The following SLIT3 variants were observed in gnomAD, a reference collection of about 807,000 sequenced individuals.
SLIT3 encodes the protein slit guidance ligand 3, also known as slit homolog 3 protein.
A neutral mutation model predicts 184.0 loss-of-function variants in SLIT3; 68 were observed. That is an observed-to-expected ratio of 0.37 (90% CI 0.30 to 0.45). The LOEUF is 0.45. Among genes scored for constraint, SLIT3 ranks in the 20% least tolerant of loss-of-function variants. SLIT3 has a pLI of 1.00. For synonymous variants in SLIT3, 831 were observed against 828.6 expected, an observed-to-expected ratio of 1.00 and a Z score of -0.05; for missense variants, 1,707 against 2,026.0, an observed-to-expected ratio of 0.84 and a Z score of 3.02.
intron 4 of SLIT3, among the ~76,000 whole-genome samples, chr5:168,994,867 C>A (rs771692522): frequency 7.2e-5 from 11 of 151,810 alleles, no homozygotes; most frequent in Non-Finnish European, 1.3e-4. Context: ...GTCTTGAACT[C>A]CTGACTTTAA....
At chr5:168,849,009 C>T (rs1561966475) in intron 5 of SLIT3, among the ~76,000 whole-genome samples, 1 of 151,928 alleles carries the variant, frequency 6.6e-6, no homozygotes, top group African/African-American at 2.4e-5. Context: ...CTAACTATCT[C>T]CCAACAGTAA....
intron 3 of SLIT3, among the ~76,000 whole-genome samples, chr5:169,211,497 C>T (rs190207964): frequency 6.6e-6 from 1 of 152,150 alleles, no homozygotes; most frequent in African/African-American, 2.4e-5. Context: ...CGTTACCCCT[C>T]AAAATTCACC....
chr5:168,805,416 G>T lies in SLIT3; in HGVS notation c.935+1030C>A, dbSNP rs1756921191. 5.3e-5 allele frequency among the ~76,000 whole-genome samples: 8 copies of T among 152,230 alleles called. No individual in the cohort carries two copies. The South Asian group carries it at 1.7e-3, about 32-fold the overall frequency. On this transcript the variant is annotated intron_variant, in intron 9 of 35. Coordinates refer to ENST00000519560, the MANE Select transcript of SLIT3 (RefSeq NM_003062.4). Reference sequence around the variant, plus strand: ...GGAATATGTATCTTTTATTTGGAGGGATTTTACCTAATGATGTTCTCAGTA... The same window carrying T: ...GGAATATGTATCTTTTATTTGGAGGTATTTTACCTAATGATGTTCTCAGTA...
chr5:168,925,702 T>C (rs978253857), intron 4 of SLIT3, among the ~76,000 whole-genome samples: 3 of 152,006 alleles, frequency 2.0e-5, no homozygotes, highest in African/African-American at 7.3e-5. Flanking sequence ...GTTGTTTCCT[T>C]GACTTTACAG....
At chr5:169,150,335 C>T (rs1327765823) in intron 4 of SLIT3, among the ~76,000 whole-genome samples, 1 of 152,086 alleles carries the variant, frequency 6.6e-6, no homozygotes, top group Non-Finnish European at 1.5e-5. Context: ...GCCAGGACCA[C>T]AAATGGCTAA....
At chr5:169,190,190 A>G (rs1337118995) in intron 4 of SLIT3, among the ~76,000 whole-genome samples, 1 of 152,236 alleles carries the variant, frequency 6.6e-6, no homozygotes. Flanking sequence ...ACATGGGCAT[A>G]TATGACCAAG....
intron 4 of SLIT3, among the ~76,000 whole-genome samples, chr5:168,888,386 T>C (rs1760302835): frequency 6.6e-6 from 1 of 152,190 alleles, no homozygotes; most frequent in African/African-American, 2.4e-5. Context: ...CTGAAGATGT[T>C]CCCAGCTAGG....
At chr5:168,967,406 C>CTTGCA (rs1347317459) in intron 4 of SLIT3, among the ~76,000 whole-genome samples, 2 of 148,018 alleles carry the variant, frequency 1.4e-5, no homozygotes, top group African/African-American at 5.0e-5. Flanking sequence ...TCTAAGCTGC[C>CTTGCA]TTGCATTCCT....
intron 4 of SLIT3, among the ~76,000 whole-genome samples, chr5:168,918,235 G>A (rs1761508626): frequency 6.6e-6 from 1 of 152,060 alleles, no homozygotes; most frequent in African/African-American, 2.4e-5. Context: ...GTAATGACAG[G>A]GAAGAAAAAT....
At chr5:169,093,303 G>A (rs1759657559) in intron 4 of SLIT3, among the ~76,000 whole-genome samples, 1 of 152,142 alleles carries the variant, frequency 6.6e-6, no homozygotes, top group Admixed American at 6.5e-5. Context: ...ATTATTGTAG[G>A]TTAAAGAAAA....
chr5:169,211,645 T>C (rs2113512128), intron 3 of SLIT3, among the ~76,000 whole-genome samples: 1 of 152,294 alleles, frequency 6.6e-6, no homozygotes, highest in Admixed American at 6.5e-5. Context: ...AGCTGGCATA[T>C]TTTTATTATT....
At chr5:169,150,864 G>A (rs540877636) in intron 4 of SLIT3, among the ~76,000 whole-genome samples, 18 of 152,102 alleles carry the variant, frequency 1.2e-4, no homozygotes, top group South Asian at 6.2e-4. Context: ...ACCCTTACAC[G>A]TAGCTTGGGA....
At chr5:169,087,912 G>T (rs1321004685) in intron 4 of SLIT3, among the ~76,000 whole-genome samples, 1 of 152,148 alleles carries the variant, frequency 6.6e-6, no homozygotes, top group Non-Finnish European at 1.5e-5. Context: ...AAATTGCTCT[G>T]TAGACCAACA....
chr5:169,071,084 T>C (rs1267098955), intron 4 of SLIT3, among the ~76,000 whole-genome samples: 1 of 152,178 alleles, frequency 6.6e-6, no homozygotes, highest in Non-Finnish European at 1.5e-5. Context: ...GTAAGAGAAC[T>C]TACTTCACAG....
At chr5:168,803,486 G>A (rs1756840120) in intron 9 of SLIT3, among the ~76,000 whole-genome samples, 1 of 152,190 alleles carries the variant, frequency 6.6e-6, no homozygotes, top group Non-Finnish European at 1.5e-5. Context: ...GGTATGGTCT[G>A]GCCTGCACAG....
At position 169,235,144 on chromosome 5, in the gene SLIT3, A is replaced by T. The variant is rs753190416; in HGVS notation, c.341+9561T>A. On this transcript the variant is annotated intron_variant, in intron 3 of 35. Coordinates refer to ENST00000519560, the MANE Select transcript of SLIT3 (RefSeq NM_003062.4). ...TGTTCCATTGTTTTCTTCCTCAGAG[A>T]TTCCTATTATAAGTTTGTTAGAACC... Among the ~76,000 whole-genome samples, 4 of 152,034 alleles carry T rather than the reference A, an allele frequency of 2.6e-5. No homozygotes were observed. The South Asian group carries it at 8.3e-4, about 32-fold the overall frequency.
chr5:168,799,382 A>T (rs1426061189), intron 9 of SLIT3, among the ~76,000 whole-genome samples: 1 of 152,218 alleles, frequency 6.6e-6, no homozygotes, highest in Non-Finnish European at 1.5e-5. Context: ...TCAGGCTGCA[A>T]ACTGATTTAA....
intron 3 of SLIT3, among the ~76,000 whole-genome samples, chr5:169,203,631 T>C (rs1336834522): frequency 6.6e-6 from 1 of 152,194 alleles, no homozygotes; most frequent in African/African-American, 2.4e-5. Flanking sequence ...TTTTTGCACA[T>C]GCTCTTCCCT....
intron 4 of SLIT3, among the ~76,000 whole-genome samples, chr5:168,993,488 G>T (rs1452397724): frequency 6.6e-6 from 1 of 152,244 alleles, no homozygotes; most frequent in Non-Finnish European, 1.5e-5. Flanking sequence ...GAAGTGAAAG[G>T]CCAGACAAAA....
Sources: allele counts gnomAD v4.1 joint callset (sites outside exome capture counted in the v4.1 genomes callset), GRCh38; gene constraint gnomAD v4.1.1; transcripts MANE v1.5; gene names NCBI Gene and HGNC (gene_info 2026-07-23, HGNC 2026-07-21).